The following MYO5B variants were observed in gnomAD, a reference collection of about 807,000 sequenced individuals.
The protein encoded by MYO5B is unconventional myosin-Vb.
A neutral mutation model predicts 229.3 loss-of-function variants in MYO5B; 143 were observed. That is an observed-to-expected ratio of 0.62 (90% CI 0.54 to 0.72). The LOEUF (loss-of-function observed/expected upper bound fraction) is 0.72, where lower values mean the gene tolerates loss of function less well. Among genes scored for constraint, MYO5B ranks in the 30% least tolerant of loss-of-function variants. The pLI is 0.00. For missense variants in MYO5B, 2,321 were observed against 2,331.0 expected, an observed-to-expected ratio of 1.00 and a Z score of 0.09; for synonymous variants, 918 against 885.2, an observed-to-expected ratio of 1.04 and a Z score of -0.66.
At chr18:49,973,620 C>T (rs2025713985) in intron 10 of MYO5B, among the ~76,000 whole-genome samples, 1 of 152,100 alleles carries the variant, frequency 6.6e-6, no homozygotes, top group South Asian at 2.1e-4. Context: ...CAAACAAGGA[C>T]CTAGAAAGAA....
chr18:49,911,362 ATCT>A (rs1009553382), intron 18 of MYO5B, among the ~76,000 whole-genome samples: 1 of 152,208 alleles, frequency 6.6e-6, no homozygotes, highest in Non-Finnish European at 1.5e-5. Flanking sequence ...ATAGAAACAA[ATCT>A]TCTTGGAAGG....
chr18:50,165,124 C>T (rs1277440008), intron 1 of MYO5B, among the ~76,000 whole-genome samples: 1 of 152,200 alleles, frequency 6.6e-6, no homozygotes, highest in Non-Finnish European at 1.5e-5. Flanking sequence ...GGAAAGTTAA[C>T]TAGTCATCAA....
At chr18:49,996,135 C>G (rs1365707101) in intron 5 of MYO5B, among the ~76,000 whole-genome samples, 1 of 152,180 alleles carries the variant, frequency 6.6e-6, no homozygotes, top group Admixed American at 6.5e-5. Context: ...CTTGTGATAG[C>G]TTAGGAAAAC....
intron 8 of MYO5B, among the ~76,000 whole-genome samples, chr18:49,982,826 G>A (rs755600809): frequency 6.6e-6 from 1 of 152,148 alleles, no homozygotes; most frequent in Non-Finnish European, 1.5e-5. Context: ...GTTTATTAAA[G>A]AATAGAGAAG....
intron 1 of MYO5B, among the ~76,000 whole-genome samples, chr18:50,157,538 G>A (rs1377293554): frequency 6.6e-6 from 1 of 152,090 alleles, no homozygotes; most frequent in African/African-American, 2.4e-5. Flanking sequence ...TCCTGCCTCT[G>A]GGCCTTTGCA....
intron 18 of MYO5B, among the ~76,000 whole-genome samples, chr18:49,907,580 T>C (rs753074960): frequency 3.9e-4 from 60 of 152,242 alleles, no homozygotes; most frequent in Non-Finnish European, 6.0e-4. Flanking sequence ...AAGACCATAA[T>C]GAGAAAGGAA....
chr18:49,954,867 G>A (rs2025475350), intron 12 of MYO5B, among the ~76,000 whole-genome samples: 1 of 152,222 alleles, frequency 6.6e-6, no homozygotes, highest in Admixed American at 6.5e-5. Context: ...CCACAGGAAA[G>A]CCTACCTTCC....
chr18:50,157,811 G>A (rs1395837796), intron 1 of MYO5B, among the ~76,000 whole-genome samples: 1 of 152,170 alleles, frequency 6.6e-6, no homozygotes, highest in Non-Finnish European at 1.5e-5. Context: ...ATGTATGAGG[G>A]CCAAAACCAT....
chr18:50,035,888 G>A (rs979916416), intron 4 of MYO5B, among the ~76,000 whole-genome samples: 3 of 152,044 alleles, frequency 2.0e-5, no homozygotes, highest in African/African-American at 7.2e-5. Context: ...GATCTCTACA[G>A]CCAGCAATAA....
intron 9 of MYO5B, among the ~76,000 whole-genome samples, chr18:49,976,698 G>T (rs1202664403): frequency 1.3e-5 from 2 of 152,200 alleles, no homozygotes; most frequent in African/African-American, 4.8e-5. Context: ...CAATCAGCTT[G>T]GTTTGGGCCG....
At chr18:50,134,849 T>G (rs1363373649) in intron 1 of MYO5B, among the ~76,000 whole-genome samples, 3 of 152,172 alleles carry the variant, frequency 2.0e-5, no homozygotes, top group Non-Finnish European at 4.4e-5. Context: ...ACCACCTTAA[T>G]TATCTCCCTT....
chr18:49,907,130 C>T (rs1236377670), intron 18 of MYO5B, among the ~76,000 whole-genome samples: 1 of 152,030 alleles, frequency 6.6e-6, no homozygotes, highest in Non-Finnish European at 1.5e-5. Flanking sequence ...CTGGGTATAT[C>T]TGAGGATCAG....
At chr18:50,048,580 A>T (rs538524569) in intron 2 of MYO5B, among the ~76,000 whole-genome samples, 1 of 152,182 alleles carries the variant, frequency 6.6e-6, no homozygotes, top group East Asian at 1.9e-4. Flanking sequence ...TCTACTTAGC[A>T]CCCACTCGAC....
At chr18:49,836,280 A>AC (rs1320506681) in intron 38 of MYO5B, among the ~76,000 whole-genome samples, 3 of 152,186 alleles carry the variant, frequency 2.0e-5, no homozygotes, top group Admixed American at 6.5e-5. Context: ...TGAAAATATG[A>AC]CCATATTGCA....
At chr18:50,132,301 G>A (rs2032266819) in intron 1 of MYO5B, among the ~76,000 whole-genome samples, 1 of 152,184 alleles carries the variant, frequency 6.6e-6, no homozygotes, top group Admixed American at 6.5e-5. Flanking sequence ...TCAAATCTTG[G>A]TGCAGCTACT....
At chr18:49,879,235 C>T in intron 23 of MYO5B, 145 bp from the exon 24 acceptor site, 2 of 936,098 alleles carry the variant, frequency 2.1e-6, no homozygotes, top group Admixed American at 2.0e-5. Context: ...CGCTCCTCAC[C>T]TACTGCAGAG....
At chr18:50,093,352 G>C (rs1161127053) in intron 1 of MYO5B, among the ~76,000 whole-genome samples, 2 of 152,164 alleles carry the variant, frequency 1.3e-5, no homozygotes, top group Non-Finnish European at 2.9e-5. Context: ...GTCATGCCAA[G>C]TCTAGAAGAC....
chr18:49,965,680 C>T (rs1367501586), intron 10 of MYO5B, among the ~76,000 whole-genome samples: 4 of 152,228 alleles, frequency 2.6e-5, no homozygotes, highest in African/African-American at 2.4e-5. Context: ...AGCTGTGCTG[C>T]CCAAGGCCAG....
At chr18:49,972,836 T>C (rs559476391) in intron 10 of MYO5B, among the ~76,000 whole-genome samples, 25 of 151,728 alleles carry the variant, frequency 1.6e-4, no homozygotes, top group African/African-American at 5.3e-4. Context: ...CCTGGGGTCA[T>C]GCAACTGAAG....
Sources: allele counts gnomAD v4.1 joint callset (sites outside exome capture counted in the v4.1 genomes callset), GRCh38; gene constraint gnomAD v4.1.1; transcripts MANE v1.5; gene names NCBI Gene and HGNC (gene_info 2026-07-23, HGNC 2026-07-21).